The following PTCHD4 variants were observed in gnomAD, a reference collection of about 807,000 sequenced individuals.
PTCHD4 encodes patched domain-containing protein 4.
Under a neutral mutation model 58.1 loss-of-function variants are expected in PTCHD4, and 33 were observed. The ratio of observed to expected loss-of-function variants is 0.57; its 90% confidence interval spans 0.43 to 0.76. The LOEUF is 0.76. Ranked by LOEUF, PTCHD4 falls within the 30% of genes least tolerant of loss-of-function variation. The pLI is 0.00. For missense variants in PTCHD4, 1,058 were observed against 1,027.1 expected, an observed-to-expected ratio of 1.03 and a Z score of -0.41; for synonymous variants, 478 against 409.6, an observed-to-expected ratio of 1.17 and a Z score of -2.02.
chr6:47,986,135 G>A (rs996388304), intron 4 of PTCHD4, among the ~76,000 whole-genome samples: 9 of 152,220 alleles, frequency 5.9e-5, no homozygotes, highest in African/African-American at 1.9e-4. Flanking sequence ...ATAAACATAT[G>A]GAGGGATAAT....
At chr6:47,915,147 C>T (rs1765204489) in intron 4 of PTCHD4, among the ~76,000 whole-genome samples, 1 of 152,216 alleles carries the variant, frequency 6.6e-6, no homozygotes, top group South Asian at 2.1e-4. Context: ...TACTTCTCTG[C>T]TTTAAAAAGT....
intron 3 of PTCHD4, among the ~76,000 whole-genome samples, chr6:48,040,842 A>G (rs1481332918): frequency 6.6e-6 from 1 of 152,044 alleles, no homozygotes; most frequent in Non-Finnish European, 1.5e-5. Flanking sequence ...TCCAAGAGCA[A>G]TCTTCCTATT....
At position 47,879,657 on chromosome 6, in the gene PTCHD4, A is replaced by C. The variant is rs1376754377; in HGVS notation, c.1178T>G (p.Leu393Arg). 3.1e-6 allele frequency: 5 copies of C among 1,613,614 alleles called. No individual in the cohort carries two copies. In the Admixed American group the frequency reaches 6.7e-5, roughly 22 times the overall value. Reference sequence around the variant, plus strand: ...GATGCTGTGGTAGCGGTTTTGCTCTAGTTGGCCAGCAAAGACCAGACAGGA... The same window carrying C: ...GATGCTGTGGTAGCGGTTTTGCTCTCGTTGGCCAGCAAAGACCAGACAGGA... Reference protein sequence around the residue: ...FGSCLVFAGQLEQNRYHSIFC... With the variant: ...FGSCLVFAGQREQNRYHSIFC... Residue 393 changes from leucine to arginine, a missense_variant, in exon 5 of 5, where the codon CTA becomes CGA. By Grantham distance (102) the Leu-to-Arg change is moderately radical. Coordinates refer to ENST00000339488, the MANE Select transcript of PTCHD4 (RefSeq NM_001384253.1).
chr6:47,995,655 A>C (rs1046465089), intron 4 of PTCHD4, among the ~76,000 whole-genome samples: 1 of 152,190 alleles, frequency 6.6e-6, no homozygotes, highest in African/African-American at 2.4e-5. Flanking sequence ...ATTACAGATA[A>C]TTCTGTCATT....
chr6:47,923,507 C>T (rs1765499021), intron 4 of PTCHD4, among the ~76,000 whole-genome samples: 1 of 152,150 alleles, frequency 6.6e-6, no homozygotes, highest in Admixed American at 6.5e-5. Flanking sequence ...ACCTCTGTGT[C>T]ATTTCCAACC....
chr6:48,017,659 C>T (rs938002180), intron 3 of PTCHD4, among the ~76,000 whole-genome samples: 6 of 152,098 alleles, frequency 3.9e-5, no homozygotes, highest in African/African-American at 9.7e-5. Flanking sequence ...TGAAGAAGTG[C>T]TATACTGGAG....
intron 4 of PTCHD4, among the ~76,000 whole-genome samples, chr6:47,919,586 G>A (rs1378736205): frequency 6.6e-6 from 1 of 152,150 alleles, no homozygotes; most frequent in Admixed American, 6.6e-5. Context: ...GGCCATGAGC[G>A]TGCTTAGAGA....
At chr6:47,895,302 C>T (rs1340428598) in intron 4 of PTCHD4, among the ~76,000 whole-genome samples, 1 of 152,118 alleles carries the variant, frequency 6.6e-6, no homozygotes, top group Non-Finnish European at 1.5e-5. Context: ...TATATAAAAA[C>T]TCTAGGGTTT....
chr6:47,982,831 C>G (rs1195169366), intron 4 of PTCHD4, among the ~76,000 whole-genome samples: 2 of 152,118 alleles, frequency 1.3e-5, no homozygotes, highest in African/African-American at 2.4e-5. Context: ...CAACACCTAG[C>G]AGATAATAGG....
intron 4 of PTCHD4, among the ~76,000 whole-genome samples, chr6:47,968,504 G>A (rs1041898942): frequency 4.6e-5 from 7 of 152,170 alleles, no homozygotes; most frequent in Non-Finnish European, 1.0e-4. Flanking sequence ...AAACCAGTCT[G>A]TAAAAAACAG....
At position 47,930,527 on chromosome 6, in the gene PTCHD4, C is replaced by T. The variant is rs146931733; in HGVS notation, c.899-50591G>A. 1.3e-3 allele frequency among the ~76,000 whole-genome samples: 195 copies of T among 152,168 alleles called. 1 individual carries two copies. Among genetic ancestry groups the T allele is most frequent in the African/African-American group, 4.6e-3 (190 of 41,506 alleles). ...GGCACATATTCCCAGGGATCCAAGA[C>T]ACACATTAAAGAAAATAATTTTAGG... On this transcript the variant is annotated intron_variant, in intron 4 of 4. Coordinates refer to ENST00000339488, the MANE Select transcript of PTCHD4 (RefSeq NM_001384253.1).
intron 4 of PTCHD4, among the ~76,000 whole-genome samples, chr6:47,935,571 A>C (rs1561965842): frequency 6.6e-6 from 1 of 152,216 alleles, no homozygotes; most frequent in Non-Finnish European, 1.5e-5. Context: ...GGAGGAATTC[A>C]TCAGTACCAA....
At chr6:47,946,229 G>A (rs997859568) in intron 4 of PTCHD4, among the ~76,000 whole-genome samples, 3 of 151,916 alleles carry the variant, frequency 2.0e-5, no homozygotes, top group Non-Finnish European at 4.4e-5. Context: ...TCATTGTGTT[G>A]TTGAAATATT....
At chr6:48,104,373 A>T (rs1765674835) in intron 1 of PTCHD4, among the ~76,000 whole-genome samples, 1 of 152,236 alleles carries the variant, frequency 6.6e-6, no homozygotes, top group Admixed American at 6.5e-5. Flanking sequence ...TGAAGGAGAA[A>T]TAAAATACTT....
intron 4 of PTCHD4, among the ~76,000 whole-genome samples, chr6:47,966,834 T>G (rs1327853176): frequency 6.6e-6 from 1 of 152,210 alleles, no homozygotes; most frequent in Non-Finnish European, 1.5e-5. Context: ...CACTTCTAAT[T>G]CTAGTTGTCT....
At chr6:47,950,304 G>A (rs1766594658) in intron 4 of PTCHD4, among the ~76,000 whole-genome samples, 1 of 152,046 alleles carries the variant, frequency 6.6e-6, no homozygotes, top group South Asian at 2.1e-4. Context: ...CCTCCCACAT[G>A]GAAAATATAA....
At chr6:48,028,140 G>T (rs116110875) in intron 3 of PTCHD4, among the ~76,000 whole-genome samples, 1 of 151,832 alleles carries the variant, frequency 6.6e-6, no homozygotes, top group South Asian at 2.1e-4. Flanking sequence ...ACAGGGTTTC[G>T]CATTGTTGGC....
chr6:48,080,586 T>C (rs1402975833), intron 1 of PTCHD4, among the ~76,000 whole-genome samples: 3 of 152,200 alleles, frequency 2.0e-5, no homozygotes, highest in South Asian at 4.1e-4. Flanking sequence ...AGAGTTGTAC[T>C]CTAATTTCTA....
rs190287070 is a variant in PTCHD4 at position 48,060,970 on chromosome 6, A to T, written c.417+7260T>A. Among the ~76,000 whole-genome samples, 597 of 152,320 alleles carry T rather than the reference A, an allele frequency of 3.9e-3. 1 individual carries two copies. The highest frequency in any genetic ancestry group is 0.013 in the African/African-American group (542 of 41,578). On this transcript the variant is annotated intron_variant, in intron 3 of 4. Coordinates refer to ENST00000339488, the MANE Select transcript of PTCHD4 (RefSeq NM_001384253.1). Reference sequence around the variant, plus strand: ...ATTCATCTCAATGACAGAAAATGAGACTTGATTTCAGTGAGAGGCTCTTCC... The same window carrying T: ...ATTCATCTCAATGACAGAAAATGAGTCTTGATTTCAGTGAGAGGCTCTTCC...
Sources: allele counts gnomAD v4.1 joint callset (sites outside exome capture counted in the v4.1 genomes callset), GRCh38; gene constraint gnomAD v4.1.1; transcripts MANE v1.5; gene names NCBI Gene and HGNC (gene_info 2026-07-23, HGNC 2026-07-21).